The following YTHDF2 variants were observed in gnomAD, a reference collection of about 807,000 sequenced individuals.
YTHDF2 encodes YTH N6-methyladenosine RNA binding protein F2.
Under a neutral mutation model 50.4 loss-of-function variants are expected in YTHDF2, and 2 were observed. That is an observed-to-expected ratio of 0.04 (90% confidence interval 0.02 to 0.12). YTHDF2 has a LOEUF of 0.12. Ranked by LOEUF, YTHDF2 falls within the 10% of genes least tolerant of loss-of-function variation. The probability of loss-of-function intolerance (pLI) is 1.00; values close to 1 mark genes in which losing one functional copy is unlikely to be tolerated. For missense variants in YTHDF2, 483 were observed against 722.6 expected (o/e 0.67, Z 3.80); for synonymous variants, 217 against 255.6 (o/e 0.85, Z 1.44).
At chr1:28,740,996 G>A (rs1042857056) in intron 3 of YTHDF2, among the ~76,000 whole-genome samples, 2 of 150,952 alleles carry the variant, frequency 1.3e-5, no homozygotes, top group East Asian at 2.0e-4. Flanking sequence ...GAGCCACCGC[G>A]CCCGGCTATT....
intron 3 of YTHDF2, among the ~76,000 whole-genome samples, chr1:28,740,986 G>GAGGAACGGCTCATAATAAAT (rs1174095081): frequency 1.1e-4 from 16 of 151,898 alleles, no homozygotes; most frequent in Non-Finnish European, 2.1e-4. Context: ...TTACAGGTGT[G>GAGGAACGGCTCATAATAAAT]AGCCACCGCG....
chr1:28,744,048 T>C, intron 4 of YTHDF2, 62 bp downstream of exon 4: 1 of 1,458,560 alleles, frequency 6.9e-7, no homozygotes, highest in Non-Finnish European at 9.1e-7. Context: ...ACAGAAGAGG[T>C]ATTATATAGT....
chr1:28,752,962 T>A (rs1238950115), intron 4 of YTHDF2, among the ~76,000 whole-genome samples: 2 of 151,970 alleles, frequency 1.3e-5, no homozygotes, highest in Non-Finnish European at 2.9e-5. Context: ...GGAGGATTGC[T>A]TGAGTCCAGG....
At position 28,742,677 on chromosome 1, in the gene YTHDF2, A is replaced by G. The variant is rs2087794751; in HGVS notation, c.407A>G (p.Asn136Ser). Residue 136 changes from asparagine (N) to serine (S), a missense_variant, in exon 4 of 5, where the codon AAT becomes AGT. By Grantham distance (46) the Asn-to-Ser change is conservative. This residue lies in a region of YTHDF2 where 385 missense variants were observed against 475.8 expected (regional missense o/e 0.81). Transcript: ENST00000373812. ...GGGATTGACTTCTCAGCATGGGGAA[A>G]TAACAGTTCTCAGGGACAGTCTACT... is the stretch of plus-strand genomic sequence containing the variant. ...PSGIDFSAWG[N>S]NSSQGQSTQS... 1.2e-6 allele frequency: 2 copies of G among 1,614,058 alleles called. No homozygotes were observed. Among genetic ancestry groups the G allele is most frequent in the Non-Finnish European group, 8.5e-7 (1 of 1,180,034 alleles).
At chr1:28,757,657 G>A (rs2088053807) in intron 4 of YTHDF2, among the ~76,000 whole-genome samples, 1 of 152,130 alleles carries the variant, frequency 6.6e-6, no homozygotes, top group African/African-American at 2.4e-5. Flanking sequence ...ATCTTGCAAT[G>A]TGCAAACTAT....
At position 28,738,243 on chromosome 1, in the gene YTHDF2, A is replaced by AT. The variant is rs748970541; in HGVS notation, c.53-7dup. 4.2e-4 allele frequency: 669 copies of AT among 1,580,992 alleles called. No homozygotes were observed. Among genetic ancestry groups the AT allele is most frequent in the Non-Finnish European group, 5.1e-4 (590 of 1,152,106 alleles). On this transcript the variant is annotated splice_polypyrimidine_tract_variant and intron_variant, in intron 2 of 4. Coordinates refer to ENST00000373812, the MANE Select transcript of YTHDF2 (RefSeq NM_016258.3). ...GTAGGATTGGGACACTCCTAATTGA[A>AT]TTTTTTTTTCTTTAGTACAAAATGG...
chr1:28,758,773 T>C (rs996584402), intron 4 of YTHDF2, among the ~76,000 whole-genome samples: 2 of 152,160 alleles, frequency 1.3e-5, no homozygotes, highest in Non-Finnish European at 2.9e-5. Flanking sequence ...ATTCAAAGTT[T>C]TAGTTATGGC....
chr1:28,737,488 T>C, intron 1 of YTHDF2, 170 bp from the exon 2 acceptor site: 1 of 928,862 alleles, frequency 1.1e-6, no homozygotes, highest in South Asian at 1.8e-5. Context: ...CCCACGGGCC[T>C]GGCGCTTTCC....
chr1:28,744,240 C>T (rs571913831), intron 4 of YTHDF2, among the ~76,000 whole-genome samples: 2 of 152,166 alleles, frequency 1.3e-5, no homozygotes, highest in Admixed American at 1.3e-4. Context: ...CAGACAGAAA[C>T]AGTACATGAT....
intron 1 of YTHDF2, chr1:28,737,443 C>A: frequency 1.5e-6 from 1 of 671,700 alleles, no homozygotes. Context: ...TTCCTCGCGT[C>A]GCCGGTGGCG....
rs1165146183 is a variant in YTHDF2 at position 28,768,967 on chromosome 1, C to T, written c.*15C>T. 6.3e-7 allele frequency: 1 copy of T among 1,581,216 alleles called. No homozygotes were observed. The highest frequency in any genetic ancestry group is 2.3e-5 in the East Asian group (1 of 44,250). ...GTGGGAAATAAAAGGCAGTTCTACACAGACTGCAGCAACGGTTGCATCTGC... is the reference window on the plus strand; with the variant it reads ...GTGGGAAATAAAAGGCAGTTCTACATAGACTGCAGCAACGGTTGCATCTGC... On this transcript the variant is annotated 3_prime_UTR_variant, in exon 5 of 5. Transcript: ENST00000373812.
chr1:28,761,128 T>TC lies in YTHDF2; in HGVS notation c.1717-7801_1717-7800insC, dbSNP rs1453707065. Among the ~76,000 whole-genome samples the TC allele has an allele frequency of 3.9e-5, 2 of 51,438 alleles. 1 individual carries two copies. 33.7% of individuals were successfully genotyped at this position (51,438 alleles called of 152,430 possible). A position where few individuals can be genotyped will look rare whatever the true frequency, so the allele number is the denominator to read the frequency against. On this transcript the variant is annotated intron_variant, in intron 4 of 4. Coordinates refer to ENST00000373812, the MANE Select transcript of YTHDF2 (RefSeq NM_016258.3). ...ATGAGTGTGTGTGTGTGTGTGTGTG[T>TC]GTATTTTTTTTTTTTTTTTTTTTTG...
rs1356862508 is a variant in YTHDF2 at position 28,743,637 on chromosome 1, A to G, written c.1367A>G (p.Tyr456Cys). The G allele has an allele frequency of 6.2e-7, 1 of 1,614,210 alleles. No homozygotes were observed. The highest frequency in any genetic ancestry group is 1.7e-5 in the Admixed American group (1 of 60,018). The part of the protein sequence containing the change: ...YRSMNGKGPV[Y>C]LLFSVNGSGH... ...TCCATGAACGGGAAAGGCCCCGTTT[A>G]CTTACTTTTCAGTGTCAACGGCAGT... The change falls in exon 4 of 5, where the codon TAC (tyrosine) becomes TGC (cysteine). Residue 456 changes from tyrosine to cysteine, a missense_variant. Tyr to Cys is a radical substitution (Grantham distance 194). Transcript: ENST00000373812. The surrounding 1 kb of genome is among the most constrained non-coding windows in gnomAD (Gnocchi z 6.9).
intron 4 of YTHDF2, among the ~76,000 whole-genome samples, chr1:28,760,271 TTGTGTGTGTGTGTGTGTGTGTGTG>T (rs28969505): frequency 1.0e-4 from 15 of 147,252 alleles, no homozygotes; most frequent in African/African-American, 2.5e-4. Context: ...ACATAGTAGG[TTGTGTGTGTGTGTGTGTGTGTGTG>T]TGTGTGTGTG....
upstream of YTHDF2, chr1:28,736,774 T>C (rs1009091144): frequency 3.3e-6 from 1 of 305,394 alleles, no homozygotes; most frequent in Non-Finnish European, 6.2e-6. Flanking sequence ...GCCTCTCCCT[T>C]CCCGGGGTTC....
chr1:28,751,918 T>A (rs2087958840), intron 4 of YTHDF2, among the ~76,000 whole-genome samples: 1 of 152,234 alleles, frequency 6.6e-6, no homozygotes, highest in Non-Finnish European at 1.5e-5. Context: ...AATAGAATGA[T>A]AAGCACTCAA....
rs56916547 is a variant in YTHDF2 at position 28,751,090 on chromosome 1, C to CAAAAAA, written c.1716+7119_1716+7124dup. 2.2e-3 allele frequency among the ~76,000 whole-genome samples: 74 copies of CAAAAAA among 33,750 alleles called. 10 individuals are homozygous for CAAAAAA. The highest frequency in any genetic ancestry group is 0.011 in the African/African-American group (67 of 6,342). The allele number at this position is 33,750 out of a possible 152,430, so 22.1% of individuals were successfully genotyped here. A position where few individuals can be genotyped will look rare whatever the true frequency, so the allele number is the denominator to read the frequency against. ...CCTTTGTGACAGAGCGAGACTGTCT[C>CAAAAAA]AAAAAAAAAAAAAAAAAAAAGGCTG... On this transcript the variant is annotated intron_variant, in intron 4 of 4. Coordinates refer to ENST00000373812, the MANE Select transcript of YTHDF2 (RefSeq NM_016258.3).
intron 4 of YTHDF2, among the ~76,000 whole-genome samples, chr1:28,768,704 G>A (rs2088257973): frequency 6.6e-6 from 1 of 152,182 alleles, no homozygotes; most frequent in South Asian, 2.1e-4. Flanking sequence ...AGGAAAGCAT[G>A]TAATGAATTT....
Position 28,742,844 on chromosome 1 carries a change from C to G in YTHDF2, c.574C>G (p.Leu192Val). 6.2e-7 allele frequency: 1 copy of G among 1,614,116 alleles called. No individual in the cohort carries two copies. Among genetic ancestry groups the G allele is most frequent in the Non-Finnish European group, 8.5e-7 (1 of 1,180,026 alleles). ...MNTIDQGMAA[L>V]KLGSTEVASN... The stretch of plus-strand genomic sequence containing the variant: ...TACTATAGACCAAGGGATGGCAGCA[C>G]TGAAGTTGGGTAGCACAGAAGTTGC... Residue 192 changes from leucine (L) to valine (V), a missense_variant, in exon 4 of 5, where the codon CTG becomes GTG. Around this residue, in one of 4 missense-constraint regions of YTHDF2, gnomAD observed 385 missense variants for 475.8 expected, o/e 0.81. Coordinates refer to ENST00000373812, the MANE Select transcript of YTHDF2 (RefSeq NM_016258.3).
Sources: gnomAD v4.1 joint callset for allele counts (sites outside exome capture counted in the v4.1 genomes callset) on GRCh38, gnomAD v4.1.1 for gene constraint, gnomAD v4.1.1 regional missense constraint, Gnocchi (gnomAD v3.1) non-coding constraint, MANE v1.5 for transcripts, NCBI Gene and HGNC (gene_info 2026-07-23, HGNC 2026-07-21) for gene names.